Variants in GALNT13 observed in about 807,000 individuals in gnomAD.
GALNT13 encodes the protein polypeptide N-acetylgalactosaminyltransferase 13, also known as UDP-GalNAc:polypeptide N-acetylgalactosaminyltransferase 13.
In GALNT13, 28 loss-of-function variants were observed where a neutral mutation model predicts 64.2. That is an observed-to-expected ratio of 0.44 (90% confidence interval 0.32 to 0.60). The LOEUF (loss-of-function observed/expected upper bound fraction) is 0.60. Among genes scored for constraint, GALNT13 ranks in the 20% least tolerant of loss-of-function variants. GALNT13 has a pLI of 0.05. For synonymous variants in GALNT13, 214 were observed against 224.6 expected (o/e 0.95, Z 0.42); for missense variants, 577 against 669.8 (o/e 0.86, Z 1.53).
At chr2:153,268,409 C>CAT in the GALNT13 span, among the ~76,000 whole-genome samples, 1 of 152,226 alleles carries the variant, frequency 6.6e-6, no homozygotes, top group African/African-American at 2.4e-5. Flanking sequence ...GGTGAGCTCC[C>CAT]ATGGCCTTGG....
chr2:153,486,383 G>A, the GALNT13 span, among the ~76,000 whole-genome samples: 39 of 151,728 alleles, frequency 2.6e-4, no homozygotes, highest in African/African-American at 8.7e-4. Flanking sequence ...AAAAATAACC[G>A]AGGTTGTGGG....
At chr2:153,654,975 T>C in the GALNT13 span, among the ~76,000 whole-genome samples, 2 of 152,118 alleles carry the variant, frequency 1.3e-5, no homozygotes, top group Admixed American at 1.3e-4. Context: ...TCCCCTAGCA[T>C]AGCACCTAAC....
the GALNT13 span, among the ~76,000 whole-genome samples, chr2:153,796,058 G>C: frequency 6.6e-6 from 1 of 152,240 alleles, no homozygotes; most frequent in Non-Finnish European, 1.5e-5. Flanking sequence ...CCAGGTCAGA[G>C]AGTTAAAGCG....
At chr2:153,112,393 A>G in the GALNT13 span, among the ~76,000 whole-genome samples, 9 of 152,062 alleles carry the variant, frequency 5.9e-5, no homozygotes, top group African/African-American at 1.9e-4. Flanking sequence ...TGTCTAATCT[A>G]GGTTCAGTAT....
At chr2:153,797,117 A>G in the GALNT13 span, among the ~76,000 whole-genome samples, 1 of 152,232 alleles carries the variant, frequency 6.6e-6, no homozygotes, top group Admixed American at 6.5e-5. Context: ...CACTCAGGCC[A>G]CAATTAATGC....
intron 2 of GALNT13, among the ~76,000 whole-genome samples, chr2:153,935,912 T>A (rs1690877613): frequency 6.6e-6 from 1 of 152,220 alleles, no homozygotes; most frequent in African/African-American, 2.4e-5. Context: ...GTGCCCTATT[T>A]CAGTATAACT....
At chr2:154,300,225 C>A (rs1276902807) in intron 8 of GALNT13, among the ~76,000 whole-genome samples, 2 of 151,588 alleles carry the variant, frequency 1.3e-5, no homozygotes, top group Non-Finnish European at 2.9e-5. Flanking sequence ...GCCTCAGCCT[C>A]CTGAGTAGCT....
At chr2:154,389,923 T>C (rs879663764) in intron 9 of GALNT13, among the ~76,000 whole-genome samples, 2 of 152,158 alleles carry the variant, frequency 1.3e-5, no homozygotes, top group African/African-American at 2.4e-5. Flanking sequence ...TGAGGGGGTC[T>C]GGTGTCTCAC....
the GALNT13 span, among the ~76,000 whole-genome samples, chr2:153,519,924 G>A: frequency 6.6e-6 from 1 of 152,082 alleles, no homozygotes; most frequent in Non-Finnish European, 1.5e-5. Context: ...TAGCAACCCA[G>A]CAGCATATAA....
At chr2:153,861,270 C>T in the GALNT13 span, among the ~76,000 whole-genome samples, 1 of 151,992 alleles carries the variant, frequency 6.6e-6, no homozygotes, top group Non-Finnish European at 1.5e-5. Context: ...CTTATTTTAC[C>T]AACGAAATAA....
the GALNT13 span, among the ~76,000 whole-genome samples, chr2:153,241,612 A>C: frequency 6.6e-6 from 1 of 151,990 alleles, no homozygotes; most frequent in Non-Finnish European, 1.5e-5. Flanking sequence ...CTGGTATACC[A>C]GCAAAATGTG....
chr2:153,098,781 G>T, the GALNT13 span, among the ~76,000 whole-genome samples: 48 of 152,088 alleles, frequency 3.2e-4, no homozygotes, highest in Admixed American at 5.2e-4. Context: ...TGGATTTCCT[G>T]AGTCGAATTC....
the GALNT13 span, among the ~76,000 whole-genome samples, chr2:153,643,690 A>C: frequency 6.6e-6 from 1 of 151,978 alleles, no homozygotes; most frequent in Non-Finnish European, 1.5e-5. Context: ...TTAGCAATGT[A>C]GATGAAAAAA....
chr2:153,840,947 A>G, the GALNT13 span, among the ~76,000 whole-genome samples: 12 of 151,140 alleles, frequency 7.9e-5, no homozygotes, highest in Non-Finnish European at 4.4e-5. Context: ...TTTTTTGGGT[A>G]TGTAACCTTC....
the GALNT13 span, among the ~76,000 whole-genome samples, chr2:153,082,580 T>C: frequency 2.3e-4 from 4 of 17,686 alleles, no homozygotes; most frequent in African/African-American, 9.1e-4. Flanking sequence ...GGTTTATATA[T>C]ATATATATAT....
intron 4 of GALNT13, among the ~76,000 whole-genome samples, chr2:154,213,487 A>G (rs770470621): frequency 1.3e-5 from 2 of 152,190 alleles, no homozygotes. Context: ...TTTATAAACC[A>G]TATTTATGAA....
chr2:154,396,276 C>A, intron 10 of GALNT13, 146 bp downstream of exon 10: 1 of 469,860 alleles, frequency 2.1e-6, no homozygotes, highest in Non-Finnish European at 3.5e-6. Context: ...ATTTCAAGGA[C>A]CATGAAGTCT....
At chr2:154,222,770 C>T (rs1392786262) in intron 4 of GALNT13, among the ~76,000 whole-genome samples, 3 of 152,036 alleles carry the variant, frequency 2.0e-5, no homozygotes, top group Admixed American at 6.6e-5. Flanking sequence ...CAATCAGGGA[C>T]GGGTTGAGGA....
the GALNT13 span, among the ~76,000 whole-genome samples, chr2:153,322,355 AT>A: frequency 6.6e-6 from 1 of 152,024 alleles, no homozygotes; most frequent in Non-Finnish European, 1.5e-5. Flanking sequence ...GTTCTTTTGT[AT>A]GGCTATGTAG....
Sources: allele counts gnomAD v4.1 joint callset (sites outside exome capture counted in the v4.1 genomes callset), GRCh38; gene constraint gnomAD v4.1.1; transcripts MANE v1.5; gene names NCBI Gene and HGNC (gene_info 2026-07-23, HGNC 2026-07-21).